The following PIN4 variants were observed in gnomAD, a reference collection of about 807,000 sequenced individuals.
PIN4 encodes the protein peptidylprolyl cis/trans isomerase, NIMA-interacting 4, also known as peptidyl-prolyl cis-trans isomerase NIMA-interacting 4.
PIN4 carries 3 observed loss-of-function variants against 8.3 expected under a neutral mutation model. That is an observed-to-expected ratio of 0.36 (90% confidence interval 0.16 to 0.93). PIN4 has a LOEUF of 0.93. Among genes scored for constraint, PIN4 ranks in the 40% least tolerant of loss-of-function variants. PIN4 has a pLI of 0.44. For synonymous variants in PIN4, 18 were observed against 32.5 expected (o/e 0.55, Z 1.52); for missense variants, 75 against 100.6 (o/e 0.75, Z 1.09).
intron 3 of PIN4, among the ~76,000 whole-genome samples, chrX:72,235,853 G>A (rs894601982): frequency 8.9e-6 from 1 of 111,997 alleles, no homozygotes; most frequent in South Asian, 3.7e-4. Context: ...ATCCTCGGGA[G>A]GCCATTACTC....
At chrX:72,223,843 G>C (rs1340358965) in intron 3 of PIN4, among the ~76,000 whole-genome samples, 1 of 111,452 alleles carries the variant, frequency 9.0e-6, no homozygotes, top group African/African-American at 3.3e-5. Context: ...GCCACATCAG[G>C]GTTCCAATGT....
At chrX:72,198,378 C>T (rs2042777217), downstream of PIN4, 1 of 702,575 alleles carries the variant, frequency 1.4e-6, no homozygotes, top group South Asian at 7.3e-5. Context: ...AACACACTGC[C>T]TTCTCTCCCT....
At chrX:72,250,333 G>T (rs146387978) in intron 3 of PIN4, among the ~76,000 whole-genome samples, 2 of 110,165 alleles carry the variant, frequency 1.8e-5, no homozygotes, top group Admixed American at 9.8e-5. Context: ...ATGGTGGTAC[G>T]TGCCTATAGT....
In PIN4 at chrX:72,196,907, A is replaced by G; in HGVS notation, c.237+3A>G. The G allele has an allele frequency of 8.6e-7, 1 of 1,168,013 alleles. No individual in the cohort carries two copies. Among genetic ancestry groups the G allele is most frequent in the Non-Finnish European group, 1.1e-6 (1 of 873,680 alleles). On this transcript the variant is annotated splice_donor_region_variant and intron_variant, in intron 3 of 3. Coordinates refer to ENST00000373669, the MANE Select transcript of PIN4 (RefSeq NM_006223.4). ...GTGAAGATAAAGCCAGGCAAGGGGT[A>G]TGTTGCTCTTATTATTTATAATTTT...
At chrX:72,189,814 G>A (rs2042722646) in intron 2 of PIN4, among the ~76,000 whole-genome samples, 1 of 111,319 alleles carries the variant, frequency 9.0e-6, no homozygotes, top group Non-Finnish European at 1.9e-5. Flanking sequence ...GTAGTATGTC[G>A]AACCATTCAC....
intron 2 of PIN4, among the ~76,000 whole-genome samples, chrX:72,195,644 A>C (rs1490473791): frequency 9.0e-6 from 1 of 110,677 alleles, no homozygotes; most frequent in Non-Finnish European, 1.9e-5. Flanking sequence ...CTGTCTCAAA[A>C]AAAAAGATAG....
chrX:72,181,777 G>A lies in PIN4; in HGVS notation c.-9G>A. 1.7e-6 allele frequency: 2 copies of A among 1,201,698 alleles called. No homozygotes were observed. Among genetic ancestry groups the A allele is most frequent in the African/African-American group, 1.7e-5 (1 of 57,686 alleles). On this transcript the variant is annotated 5_prime_UTR_variant, in exon 1 of 4. Transcript: ENST00000373669. ...GGAGCGGTTCAGCGTTCAACAACAA[G>A]CTTCCAAGATGCCGCCCAAAGGAAA...
intron 2 of PIN4, among the ~76,000 whole-genome samples, chrX:72,187,782 A>G (rs1051604793): frequency 8.9e-6 from 1 of 112,207 alleles, no homozygotes; most frequent in African/African-American, 3.2e-5. Context: ...ATCCTATGCA[A>G]CAGAGCGAGA....
At chrX:72,248,323 A>G (rs866251049) in intron 3 of PIN4, among the ~76,000 whole-genome samples, 2,834 of 70,980 alleles carry the variant, frequency 0.04, 115 homozygotes, top group African/African-American at 0.16. Context: ...AAAAAAAAAA[A>G]AAAAAAAAAA....
rs752479921 is a variant in PIN4 at position 72,197,471 on chromosome X, C to T, written c.341C>T (p.Pro114Leu). The change falls in exon 4 of 4, where the codon CCA becomes CTA. Residue 114 changes from proline to leucine, a missense_variant. Coordinates refer to ENST00000373669, the MANE Select transcript of PIN4 (RefSeq NM_006223.4). ...SGMDKPVFTD[P>L]PVKTKFGYHI... ...ATGGATAAGCCTGTGTTTACAGACC[C>T]ACCGGTTAAGACAAAATTTGGATAT... The T allele has an allele frequency of 8.3e-7, 1 of 1,207,801 alleles. No homozygotes were observed. The highest frequency in any genetic ancestry group is 1.8e-5 in the South Asian group (1 of 56,769).
In PIN4 at chrX:72,213,704, G is replaced by A. The variant is rs139342468; in HGVS notation, c.312+16800G>A. On this transcript the variant is annotated intron_variant, in intron 3 of 3. Transcript: ENST00000423432. ...CCTGCATGGCTAAGTGCCCGGGTTC[G>A]TCCTAATCCAGCTGAACACTAGTTG... 2.1e-3 allele frequency among the ~76,000 whole-genome samples: 235 copies of A among 112,046 alleles called. 1 individual carries two copies. Among genetic ancestry groups the A allele is most frequent in the African/African-American group, 6.8e-3 (211 of 30,849 alleles).
intron 3 of PIN4, chrX:72,206,501 G>T (rs1334249905): frequency 2.1e-5 from 26 of 1,209,728 alleles, no homozygotes; most frequent in Non-Finnish European, 2.7e-5. Flanking sequence ...CTTAGAAGAG[G>T]TGAAGGCTGA....
At chrX:72,186,361 G>GTGGCGTTA (rs1417137525) in intron 1 of PIN4, 100 bp from the exon 2 acceptor site, 2 of 591,575 alleles carry the variant, frequency 3.4e-6, no homozygotes, top group African/African-American at 4.5e-5. Context: ...CTTTTGAAGT[G>GTGGCGTTA]TGGCGTTATG....
chrX:72,212,169 C>T (rs1178557268), intron 3 of PIN4, among the ~76,000 whole-genome samples: 2 of 109,501 alleles, frequency 1.8e-5, no homozygotes, highest in African/African-American at 6.7e-5. Context: ...CCCAGCTACT[C>T]GGGAGGCTGA....
downstream of PIN4, among the ~76,000 whole-genome samples, chrX:72,200,916 T>A (rs2042787535): frequency 8.9e-6 from 1 of 112,356 alleles, no homozygotes; most frequent in African/African-American, 3.2e-5. Flanking sequence ...ATGTTTATTT[T>A]AGGCTGGATG....
At chrX:72,206,168 A>G in intron 3 of PIN4, 1 of 1,211,748 alleles carries the variant, frequency 8.3e-7, no homozygotes, top group Non-Finnish European at 1.1e-6. Flanking sequence ...CTAAGTACAT[A>G]ATTAAAACTT....
chrX:72,249,601 G>A (rs753296632), intron 3 of PIN4, among the ~76,000 whole-genome samples: 1 of 111,686 alleles, frequency 9.0e-6, no homozygotes, highest in Admixed American at 9.5e-5. Flanking sequence ...AAAAAGAAAT[G>A]AACTACTGAT....
intron 3 of PIN4, among the ~76,000 whole-genome samples, chrX:72,244,715 T>C (rs1602458719): frequency 9.0e-6 from 1 of 111,140 alleles, no homozygotes. Flanking sequence ...CAGCAAAATG[T>C]TGCTCTTGGG....
rs773829686 is a variant in PIN4, at chrX:72,186,290, T to C, written c.44-171T>C. The C allele has an allele frequency of 1.4e-3, 705 of 502,485 alleles. 1 individual carries two copies. The highest frequency in any genetic ancestry group is 2.0e-3 in the Non-Finnish European group (556 of 274,329). 41.4% of individuals were successfully genotyped at this position (502,485 alleles called of 1,213,427 possible). A position where few individuals can be genotyped will look rare whatever the true frequency, so the allele number is the denominator to read the frequency against. Reference sequence around the variant, plus strand: ...TGTGTGGCCCAAGATAATTCTTCCATTGTGGCCCAGGGAAGCTGAAAGGTT... The same window carrying C: ...TGTGTGGCCCAAGATAATTCTTCCACTGTGGCCCAGGGAAGCTGAAAGGTT... On this transcript the variant is annotated intron_variant, in intron 1 of 3. Transcript: ENST00000373669.
Sources: gnomAD v4.1 joint callset for allele counts (sites outside exome capture counted in the v4.1 genomes callset) on GRCh38, gnomAD v4.1.1 for gene constraint, MANE v1.5 for transcripts, NCBI Gene and HGNC (gene_info 2026-07-23, HGNC 2026-07-21) for gene names.